Variants in TCAF1 observed in about 807,000 individuals in gnomAD.
The protein encoded by TCAF1 is TRPM8 channel associated factor 1.
In TCAF1, 4 loss-of-function variants were observed where a neutral mutation model predicts 27.3. The observed-to-expected ratio is 0.15, with a 90% CI of 0.07 to 0.34. TCAF1 has a LOEUF of 0.34. TCAF1 is among the 10% of genes least tolerant of loss of function. The pLI, the probability that TCAF1 is intolerant of heterozygous loss-of-function variation, is 1.00. For synonymous variants in TCAF1, 105 were observed against 167.1 expected (o/e 0.63, Z 2.87); for missense variants, 257 against 425.8 (o/e 0.60, Z 3.49).
chr7:143,883,500 CTTTTTTTT>C (rs374825743), intron 1 of TCAF1, among the ~76,000 whole-genome samples: 5 of 98,078 alleles, frequency 5.1e-5, no homozygotes, highest in Middle Eastern at 8.2e-3. Flanking sequence ...TTTCCTTTTT[CTTTTTTTT>C]TTTTTTTTTT....
intron 1 of TCAF1, among the ~76,000 whole-genome samples, chr7:143,894,010 G>A (rs1198695620): frequency 2.0e-5 from 3 of 151,642 alleles, no homozygotes; most frequent in African/African-American, 4.8e-5. Flanking sequence ...GACACAGAGA[G>A]AGAATCCATT....
chr7:143,851,695 A>C lies in TCAF1; in HGVS notation c.*2438T>G, dbSNP rs866639351. ...CTTTCCTTTGTCCATCTCTCTCCAA[A>C]TGTCTGATAGTTACATCACTTTTTA... On this transcript the variant is annotated 3_prime_UTR_variant, in exon 9 of 9. Coordinates refer to ENST00000479870, the MANE Select transcript of TCAF1 (RefSeq NM_014719.3). 6.6e-6 allele frequency: 1 copy of C among 151,620 alleles called. No individual in the cohort carries two copies. The highest frequency in any genetic ancestry group is 1.5e-5 in the Non-Finnish European group (1 of 68,022). 9.4% of individuals were successfully genotyped at this position (151,620 alleles called of 1,614,324 possible).
chr7:143,894,611 T>C (rs1370662672), intron 1 of TCAF1, among the ~76,000 whole-genome samples: 2 of 151,790 alleles, frequency 1.3e-5, no homozygotes, highest in Non-Finnish European at 3.0e-5. Flanking sequence ...GGTAGAACTA[T>C]TAAGCATAAG....
chr7:143,874,639 C>G (rs1413022196), intron 2 of TCAF1, among the ~76,000 whole-genome samples: 1 of 151,234 alleles, frequency 6.6e-6, no homozygotes, highest in African/African-American at 2.4e-5. Context: ...ACAGTAGGAG[C>G]TTCTATGCCA....
intron 1 of TCAF1, among the ~76,000 whole-genome samples, chr7:143,886,945 G>A (rs1230732974): frequency 1.3e-5 from 2 of 148,258 alleles, no homozygotes; most frequent in Non-Finnish European, 3.0e-5. Context: ...GGGCTCAAGT[G>A]ATCCTCCTGC....
At position 143,876,225 on chromosome 7, in the gene TCAF1, A is replaced by G. The variant is rs367932760; in HGVS notation, c.384T>C (p.Asp128=). 332 of 1,614,084 alleles carry G rather than the reference A, an allele frequency of 2.1e-4. No individual in the cohort carries two copies. The highest frequency in any genetic ancestry group is 2.7e-4 in the Non-Finnish European group (318 of 1,180,044). ...VKDSLGVYCI[D]AYNETMTEKL... ...TTTCTGTCATGGTTTCATTGTAGGC[A>G]TCAATACAGTAAACCCCCAGGGAGT... Residue 128 remains aspartate, a synonymous_variant, in exon 2 of 9, where the codon GAT becomes GAC. Transcript: ENST00000479870.
At chr7:143,878,493 G>A (rs1432010887) in intron 1 of TCAF1, among the ~76,000 whole-genome samples, 1 of 152,132 alleles carries the variant, frequency 6.6e-6, no homozygotes, top group Non-Finnish European at 1.5e-5. Context: ...GAGGTAACAA[G>A]TTCAAGACCA....
chr7:143,885,986 C>A (rs1466830852), intron 1 of TCAF1, among the ~76,000 whole-genome samples: 1 of 152,226 alleles, frequency 6.6e-6, no homozygotes, highest in Non-Finnish European at 1.5e-5. Flanking sequence ...GGCTTCTCTA[C>A]AAATATGATT....
chr7:143,889,269 A>G (rs776768736), intron 1 of TCAF1, among the ~76,000 whole-genome samples: 1 of 152,186 alleles, frequency 6.6e-6, no homozygotes. Context: ...AAATGATTGA[A>G]TTTTCCAGAG....
intron 1 of TCAF1, among the ~76,000 whole-genome samples, chr7:143,894,257 A>G (rs1292677787): frequency 1.3e-5 from 2 of 151,880 alleles, no homozygotes; most frequent in Non-Finnish European, 3.0e-5. Context: ...TCCCAAAAGG[A>G]TTTTTATGGT....
intron 2 of TCAF1, among the ~76,000 whole-genome samples, chr7:143,866,633 ACTC>A (rs1812174295): frequency 6.6e-6 from 1 of 152,252 alleles, no homozygotes; most frequent in South Asian, 2.1e-4. Flanking sequence ...TAAAGTATGT[ACTC>A]CTTTGAGTTT....
chr7:143,852,918 AT>A lies in TCAF1; in HGVS notation c.*1214del, dbSNP rs1811393348. 6.9e-6 allele frequency: 1 copy of A among 145,648 alleles called. No individual in the cohort carries two copies. The highest frequency in any genetic ancestry group is 6.9e-5 in the Admixed American group (1 of 14,460). 9.0% of individuals were successfully genotyped at this position (145,648 alleles called of 1,614,324 possible). A position where few individuals can be genotyped will look rare whatever the true frequency, so the allele number is the denominator to read the frequency against. ...CTTCCAGGAACTCCTAACATTACAT[AT>A]TGATTGTCTATGTCTTTTTTCTTTC... On this transcript the variant is annotated 3_prime_UTR_variant, in exon 9 of 9. Transcript: ENST00000479870.
intron 1 of TCAF1, among the ~76,000 whole-genome samples, chr7:143,895,593 C>A (rs1813835061): frequency 6.6e-6 from 1 of 151,550 alleles, no homozygotes; most frequent in African/African-American, 2.4e-5. Flanking sequence ...CTGATCTGTA[C>A]ACTTATTATT....
chr7:143,893,832 A>G (rs1026554957), intron 1 of TCAF1, among the ~76,000 whole-genome samples: 2 of 151,932 alleles, frequency 1.3e-5, no homozygotes, highest in African/African-American at 4.8e-5. Context: ...ATAAAAGGGA[A>G]AGACTGAAAG....
intron 1 of TCAF1, among the ~76,000 whole-genome samples, chr7:143,888,319 C>A (rs572655425): frequency 3.3e-5 from 5 of 152,250 alleles, no homozygotes; most frequent in Admixed American, 3.3e-4. Context: ...AATGCTTCCA[C>A]AAAACCCTGG....
In TCAF1 at chr7:143,879,377, G is replaced by A. The variant is rs1451558403; in HGVS notation, c.-14-2755C>T. 2.0e-5 allele frequency among the ~76,000 whole-genome samples: 3 copies of A among 152,308 alleles called. No individual in the cohort carries two copies. In the East Asian group the frequency reaches 5.8e-4, roughly 29 times the overall value. ...AGGAGGAGAAGAAGGGGAAGGAGAT[G>A]AAGATGAAGAAGACAAAGGTGGCTA... On this transcript the variant is annotated intron_variant, in intron 1 of 8. Transcript: ENST00000479870.
intron 1 of TCAF1, among the ~76,000 whole-genome samples, chr7:143,900,811 A>G (rs1329144494): frequency 1.3e-5 from 2 of 152,214 alleles, no homozygotes; most frequent in Non-Finnish European, 2.9e-5. Context: ...GTACATTTAC[A>G]CCTTAAATGA....
At chr7:143,877,805 C>T (rs934805051) in intron 1 of TCAF1, among the ~76,000 whole-genome samples, 4 of 152,214 alleles carry the variant, frequency 2.6e-5, no homozygotes, top group Non-Finnish European at 4.4e-5. Context: ...CAGTGCGGCC[C>T]GAGGTAACCT....
At chr7:143,896,823 G>A (rs376097675) in intron 1 of TCAF1, among the ~76,000 whole-genome samples, 1 of 151,722 alleles carries the variant, frequency 6.6e-6, no homozygotes, top group Non-Finnish European at 1.5e-5. Context: ...AGCTTTAAAA[G>A]CTTACATAGG....
Sources: gnomAD v4.1 joint callset for allele counts (sites outside exome capture counted in the v4.1 genomes callset) on GRCh38, gnomAD v4.1.1 for gene constraint, MANE v1.5 for transcripts, NCBI Gene and HGNC (gene_info 2026-07-23, HGNC 2026-07-21) for gene names.